PTPRD: variants seen among roughly 807,000 people sequenced by gnomAD.
PTPRD encodes the protein protein tyrosine phosphatase receptor type D, also known as receptor-type tyrosine-protein phosphatase delta.
A neutral mutation model predicts 214.5 loss-of-function variants in PTPRD; 34 were observed. The ratio of observed to expected loss-of-function variants is 0.16; its 90% CI spans 0.12 to 0.21. The LOEUF (loss-of-function observed/expected upper bound fraction) is 0.21. PTPRD is among the 10% of genes least tolerant of loss of function. The pLI, the probability that PTPRD is intolerant of heterozygous loss-of-function variation, is 1.00. For missense variants in PTPRD, 2,545 were observed against 2,398.7 expected, an observed-to-expected ratio of 1.06 and a Z score of -1.27; for synonymous variants, 1,128 against 845.7, an observed-to-expected ratio of 1.33 and a Z score of -5.79.
intron 10 of PTPRD, among the ~76,000 whole-genome samples, chr9:9,075,282 C>G (rs886475129): frequency 1.3e-5 from 2 of 151,964 alleles, no homozygotes; most frequent in African/African-American, 4.8e-5. Flanking sequence ...AAACATTTAT[C>G]CTTTCCTTTT....
intron 33 of PTPRD, among the ~76,000 whole-genome samples, chr9:8,455,429 T>C (rs906455394): frequency 4.6e-5 from 7 of 152,178 alleles, no homozygotes; most frequent in Non-Finnish European, 2.9e-5. Flanking sequence ...TTCTGCAGAG[T>C]ATAACCTTTT....
chr9:10,324,060 C>A (rs908435568), intron 3 of PTPRD, among the ~76,000 whole-genome samples: 5 of 152,046 alleles, frequency 3.3e-5, no homozygotes, highest in African/African-American at 9.7e-5. Context: ...TATATTGATT[C>A]ATGTCTTTCT....
At chr9:9,391,573 T>A (rs1229473252) in intron 9 of PTPRD, among the ~76,000 whole-genome samples, 2 of 152,192 alleles carry the variant, frequency 1.3e-5, no homozygotes, top group East Asian at 3.9e-4. Context: ...CTGTTTTGCA[T>A]ACACAAAATC....
intron 3 of PTPRD, among the ~76,000 whole-genome samples, chr9:10,292,545 A>G (rs946552988): frequency 3.3e-5 from 5 of 152,068 alleles, no homozygotes; most frequent in Non-Finnish European, 7.4e-5. Flanking sequence ...AGTTCAGAAG[A>G]CTGACCCAAA....
intron 10 of PTPRD, among the ~76,000 whole-genome samples, chr9:9,107,376 A>G (rs1228856901): frequency 6.6e-6 from 1 of 152,178 alleles, no homozygotes; most frequent in Non-Finnish European, 1.5e-5. Flanking sequence ...CTTGATTGCC[A>G]ATAAGTGTTT....
At chr9:10,169,358 C>G (rs555528954) in intron 3 of PTPRD, among the ~76,000 whole-genome samples, 1 of 151,220 alleles carries the variant, frequency 6.6e-6, no homozygotes, top group African/African-American at 2.4e-5. Flanking sequence ...CCTGTAATCC[C>G]AGCTACCTGG....
chr9:10,545,847 A>G (rs1566858352), intron 2 of PTPRD, among the ~76,000 whole-genome samples: 1 of 152,122 alleles, frequency 6.6e-6, no homozygotes. Flanking sequence ...GAGTTTTCCT[A>G]AATTTGTACT....
intron 9 of PTPRD, among the ~76,000 whole-genome samples, chr9:9,209,875 C>T (rs2099947409): frequency 6.6e-6 from 1 of 152,072 alleles, no homozygotes; most frequent in South Asian, 2.1e-4. Flanking sequence ...GGGTCAGATA[C>T]AAAGGACTTT....
chr9:9,148,315 T>C (rs1003181308), intron 10 of PTPRD, among the ~76,000 whole-genome samples: 1 of 152,218 alleles, frequency 6.6e-6, no homozygotes, highest in Non-Finnish European at 1.5e-5. Context: ...TCAGTGGTAC[T>C]TAAGAAGGCT....
At chr9:10,336,699 A>C (rs2096849947) in intron 3 of PTPRD, among the ~76,000 whole-genome samples, 1 of 151,546 alleles carries the variant, frequency 6.6e-6, no homozygotes, top group Non-Finnish European at 1.5e-5. Context: ...AAAATCGAGG[A>C]GGGGAGACAA....
At chr9:9,898,578 G>C (rs1468994340) in intron 5 of PTPRD, among the ~76,000 whole-genome samples, 1 of 152,066 alleles carries the variant, frequency 6.6e-6, no homozygotes. Context: ...GGAATCCTTA[G>C]AGGTTAGAGA....
At chr9:8,642,202 T>A (rs1013513055) in intron 12 of PTPRD, among the ~76,000 whole-genome samples, 6 of 152,142 alleles carry the variant, frequency 3.9e-5, no homozygotes, top group African/African-American at 1.4e-4. Context: ...GCTACAAAAG[T>A]GAAGAGACAA....
intron 9 of PTPRD, among the ~76,000 whole-genome samples, chr9:9,296,005 T>G (rs1297271629): frequency 6.6e-6 from 1 of 151,778 alleles, no homozygotes; most frequent in Non-Finnish European, 1.5e-5. Context: ...ATACCTCAGG[T>G]TTTTTGTTTG....
chr9:8,805,274 C>T (rs1442449444), intron 11 of PTPRD, among the ~76,000 whole-genome samples: 2 of 152,130 alleles, frequency 1.3e-5, no homozygotes, highest in East Asian at 3.9e-4. Context: ...TAGCTCAAGT[C>T]CACAAAGCAA....
chr9:8,713,839 T>C, intron 12 of PTPRD: 1 of 1,463,706 alleles, frequency 6.8e-7, no homozygotes, highest in Non-Finnish European at 9.3e-7. Context: ...CACCTTCTTC[T>C]AGGTGCAGGG....
chr9:9,412,233 G>A (rs530811165), intron 8 of PTPRD, among the ~76,000 whole-genome samples: 4 of 151,738 alleles, frequency 2.6e-5, no homozygotes, highest in East Asian at 1.9e-4. Context: ...TAATAATTAT[G>A]CCTTATTTCA....
chr9:10,407,027 A>G (rs1238831174), intron 2 of PTPRD, among the ~76,000 whole-genome samples: 2 of 151,582 alleles, frequency 1.3e-5, no homozygotes, highest in Non-Finnish European at 1.5e-5. Context: ...ACAATTTCCT[A>G]TAGTATTTTC....
intron 11 of PTPRD, among the ~76,000 whole-genome samples, chr9:8,877,833 C>T (rs2098407481): frequency 1.3e-5 from 2 of 152,266 alleles, no homozygotes; most frequent in South Asian, 2.1e-4. Flanking sequence ...GTCTGAGGCT[C>T]TTCTCAGACA....
intron 5 of PTPRD, among the ~76,000 whole-genome samples, chr9:9,877,901 A>G (rs1037021046): frequency 7.6e-6 from 1 of 131,374 alleles, no homozygotes; most frequent in South Asian, 2.5e-4. Flanking sequence ...TTACCCCGGG[A>G]GGTGGAGGTT....
Sources: gnomAD v4.1 joint callset for allele counts (sites outside exome capture counted in the v4.1 genomes callset) on GRCh38, gnomAD v4.1.1 for gene constraint, MANE v1.5 for transcripts, NCBI Gene and HGNC (gene_info 2026-07-23, HGNC 2026-07-21) for gene names.